Variants in TRPA1 observed in about 807,000 individuals in gnomAD.
TRPA1 encodes the protein ankyrin-like with transmembrane domains 1.
A neutral mutation model predicts 131.3 loss-of-function variants in TRPA1; 129 were observed. The observed-to-expected ratio is 0.98, with a 90% CI of 0.85 to 1.14. The LOEUF is 1.14. Ranked by LOEUF, TRPA1 falls within the 50% of genes most tolerant of loss-of-function variation. TRPA1 has a pLI of 0.00. For synonymous variants in TRPA1, 441 were observed against 451.7 expected (o/e 0.98, Z 0.30); for missense variants, 1,304 against 1,354.2 (o/e 0.96, Z 0.58).
At chr8:72,069,307 T>G (rs1806002959) in intron 2 of TRPA1, 109 bp from the exon 3 acceptor site, 1 of 1,104,858 alleles carries the variant, frequency 9.1e-7, no homozygotes, top group African/African-American at 1.5e-5. Flanking sequence ...TGAAATCAGC[T>G]GCATCTTTTT....
chr8:72,023,435 TACTA>T, intron 26 of TRPA1: 3 of 461,202 alleles, frequency 6.5e-6, no homozygotes, highest in South Asian at 4.4e-5. Context: ...TGAACTCAGG[TACTA>T]ACTAACTGTA....
chr8:72,059,404 A>C lies in TRPA1; in HGVS notation c.979T>G (p.Tyr327Asp), dbSNP rs1394519430. Residue 327 changes from tyrosine (Y) to aspartate (D), a missense_variant, in exon 8 of 27, where the codon TAT (tyrosine) becomes GAT (aspartate). Transcript: ENST00000262209. Reference protein sequence around the residue: ...SLFDHHELADYLISVGADINK... With the variant: ...SLFDHHELADDLISVGADINK... ...GGAATAGTTACCACTGAAATTAAAT[A>C]GTCTGCTAGCTCATGGTGATCAAAC... 6.3e-7 allele frequency: 1 copy of C among 1,582,328 alleles called. No individual in the cohort carries two copies. The highest frequency in any genetic ancestry group is 1.3e-5 in the African/African-American group (1 of 74,278).
chr8:72,053,872 T>G lies in TRPA1; in HGVS notation c.1530-5A>C. 2.5e-6 allele frequency: 4 copies of G among 1,607,810 alleles called. No individual in the cohort carries two copies. The highest frequency in any genetic ancestry group is 3.4e-6 in the Non-Finnish European group (4 of 1,177,106). Reference sequence around the variant, plus strand: ...GCTGTCCAGCCATTGTGGTCACTGGTAAAGAGTTAAGAAAAGATGTGTGCA... The same window carrying G: ...GCTGTCCAGCCATTGTGGTCACTGGGAAAGAGTTAAGAAAAGATGTGTGCA... On this transcript the variant is annotated splice_region_variant and splice_polypyrimidine_tract_variant and intron_variant, in intron 12 of 26. Transcript: ENST00000262209.
chr8:72,077,190 A>C (rs1806203927), upstream of TRPA1, among the ~76,000 whole-genome samples: 1 of 150,590 alleles, frequency 6.6e-6, no homozygotes, highest in Admixed American at 6.6e-5. Context: ...AATAAAGAGG[A>C]TGTTCGAAGT....
chr8:72,065,409 G>T, intron 4 of TRPA1, 42 bp downstream of exon 4: 2 of 1,438,048 alleles, frequency 1.4e-6, no homozygotes, highest in South Asian at 1.2e-5. Context: ...TTGTATTCAT[G>T]AAAAGATAAA....
chr8:72,024,189 T>A (rs1811500172), intron 25 of TRPA1, among the ~76,000 whole-genome samples: 1 of 152,162 alleles, frequency 6.6e-6, no homozygotes, highest in Admixed American at 6.5e-5. Flanking sequence ...GCTGAATTGT[T>A]CTATATATTT....
At chr8:72,086,212 T>C in the TRPA1 span, among the ~76,000 whole-genome samples, 1 of 152,204 alleles carries the variant, frequency 6.6e-6, no homozygotes, top group African/African-American at 2.4e-5. Context: ...TTGCACATTC[T>C]ACTTTTTCTT....
chr8:72,078,962 T>C (rs1289502525), upstream of TRPA1, among the ~76,000 whole-genome samples: 18 of 152,174 alleles, frequency 1.2e-4, no homozygotes, highest in African/African-American at 4.1e-4. Flanking sequence ...TAATGGTATA[T>C]ACCATTGAGT....
At chr8:72,075,156 G>C in intron 1 of TRPA1, 143 bp downstream of exon 1, 1 of 684,776 alleles carries the variant, frequency 1.5e-6, no homozygotes, top group East Asian at 2.6e-5. Context: ...GTCATTAGTA[G>C]GGTCACCTCT....
chr8:72,023,511 A>G (rs1048253449), intron 26 of TRPA1: 1 of 415,340 alleles, frequency 2.4e-6, no homozygotes, highest in African/African-American at 2.0e-5. Flanking sequence ...AGAAGCTTTC[A>G]GAGCTTTGCT....
intron 20 of TRPA1, among the ~76,000 whole-genome samples, chr8:72,037,735 T>C (rs934091610): frequency 1.2e-4 from 19 of 152,198 alleles, no homozygotes; most frequent in African/African-American, 4.6e-4. Context: ...CCATTTGTAG[T>C]TAGATGTTTA....
chr8:72,065,526 A>G lies in TRPA1; in HGVS notation c.477T>C (p.Asn159=). 1 of 1,613,484 alleles carries G rather than the reference A, an allele frequency of 6.2e-7. No homozygotes were observed. The highest frequency in any genetic ancestry group is 2.2e-5 in the East Asian group (1 of 44,778). Residue 159 remains asparagine, a synonymous_variant, in exon 4 of 27, where the codon AAT becomes AAC. Coordinates refer to ENST00000262209, the MANE Select transcript of TRPA1 (RefSeq NM_007332.3). ...CTGTGTTTCCATTTTCTCCTTCCAAATTAACATCAATAGTTCTATGCTCAA... is the reference window on the plus strand; with the variant it reads ...CTGTGTTTCCATTTTCTCCTTCCAAGTTAACATCAATAGTTCTATGCTCAA... ...VLLEHRTIDV[N]LEGENGNTAV...
At chr8:72,033,980 T>A (rs913265569) in intron 22 of TRPA1, among the ~76,000 whole-genome samples, 154 bp from the exon 23 acceptor site, 2 of 152,196 alleles carry the variant, frequency 1.3e-5, no homozygotes, top group African/African-American at 4.8e-5. Flanking sequence ...ATAGTAAACA[T>A]GGTAAAGTCA....
chr8:72,055,733 A>G lies in TRPA1; in HGVS notation c.1317T>C (p.Ile439=). ...ATTTCTTATCTTTGCTTTTGGAATG[A>G]ATGGACACATTAAAGCCAAGTAGGT... The part of the protein sequence containing the change: ...VNNLLGFNVS[I]HSKSKDKKSP... Residue 439 remains isoleucine (I), a synonymous_variant, in exon 11 of 27, where the codon ATT becomes ATC. Coordinates refer to ENST00000262209, the MANE Select transcript of TRPA1 (RefSeq NM_007332.3). The G allele has an allele frequency of 6.2e-7, 1 of 1,613,448 alleles. No homozygotes were observed. The highest frequency in any genetic ancestry group is 8.5e-7 in the Non-Finnish European group (1 of 1,179,608).
chr8:72,034,482 T>C (rs942849644), intron 21 of TRPA1, 105 bp from the exon 22 acceptor site: 1 of 643,800 alleles, frequency 1.6e-6, no homozygotes, highest in East Asian at 3.1e-5. Context: ...ATTTCACAGA[T>C]GAGATCACTG....
At position 72,045,073 on chromosome 8, in the gene TRPA1, G is replaced by T. The variant is rs147297316; in HGVS notation, c.2061+1440C>A. Among the ~76,000 whole-genome samples, 811 of 151,982 alleles carry T rather than the reference G, an allele frequency of 5.3e-3. 6 individuals carry two copies. The highest frequency in any genetic ancestry group is 5.6e-3 in the Non-Finnish European group (382 of 67,896). On this transcript the variant is annotated intron_variant, in intron 17 of 26. Coordinates refer to ENST00000262209, the MANE Select transcript of TRPA1 (RefSeq NM_007332.3). ...CATACATATGCAACAAATTTTCTAAGTATAACTGTAGTGTAGTTACTGTTA... is the reference window on the plus strand; with the variant it reads ...CATACATATGCAACAAATTTTCTAATTATAACTGTAGTGTAGTTACTGTTA...
chr8:72,063,634 G>T, intron 4 of TRPA1, 63 bp from the exon 5 acceptor site: 2 of 1,012,198 alleles, frequency 2.0e-6, no homozygotes, highest in South Asian at 1.3e-5. Flanking sequence ...GGGTGGATGA[G>T]AATTTATGTG....
chr8:72,057,019 T>TAA lies in TRPA1; in HGVS notation c.1094-4_1094-3dup, dbSNP rs751559676. ...TATCTTTTATGTCTACTTGGGCACC[T>TAA]AAAAAAAAACACTATGTAAATATAA... is the stretch of plus-strand genomic sequence containing the variant. On this transcript the variant is annotated splice_polypyrimidine_tract_variant and splice_region_variant and intron_variant, in intron 9 of 26. Coordinates refer to ENST00000262209, the MANE Select transcript of TRPA1 (RefSeq NM_007332.3). 5 of 1,564,150 alleles carry TAA rather than the reference T, an allele frequency of 3.2e-6. No homozygotes were observed. Among genetic ancestry groups the TAA allele is most frequent in the Non-Finnish European group, 3.5e-6 (4 of 1,144,886 alleles).
Position 72,038,991 on chromosome 8 carries a change from T to C in TRPA1, c.2169A>G (p.Leu723=), listed in dbSNP as rs768083459. The C allele has an allele frequency of 3.1e-6, 5 of 1,612,882 alleles. No individual in the cohort carries two copies. Among genetic ancestry groups the C allele is most frequent in the Non-Finnish European group, 4.2e-6 (5 of 1,179,390 alleles). ...GTATGAGACCAAGACAGTAAGATCC[T>C]AAATTCATCATATGAGCTCTAAATC... ...AYGFRAHMMN[L]GSYCLGLIPM... The change falls in exon 19 of 27, where the codon TTA becomes TTG. Residue 723 remains leucine, a synonymous_variant. Coordinates refer to ENST00000262209, the MANE Select transcript of TRPA1 (RefSeq NM_007332.3).
Sources: allele counts gnomAD v4.1 joint callset (sites outside exome capture counted in the v4.1 genomes callset), GRCh38; gene constraint gnomAD v4.1.1; transcripts MANE v1.5; gene names NCBI Gene and HGNC (gene_info 2026-07-23, HGNC 2026-07-21).